TELO2: variants seen among roughly 807,000 people sequenced by gnomAD.
TELO2 encodes telomere maintenance 2.
Under a neutral mutation model 91.0 loss-of-function variants are expected in TELO2, and 71 were observed. The ratio of observed to expected loss-of-function variants is 0.78; its 90% CI spans 0.64 to 0.95. The LOEUF is 0.95. Ranked by LOEUF, TELO2 falls within the 40% of genes least tolerant of loss-of-function variation. The pLI is 0.00. For missense variants in TELO2, 1,183 were observed against 1,141.3 expected (o/e 1.04, Z -0.53); for synonymous variants, 584 against 518.9 (o/e 1.13, Z -1.71).
chr16:1,507,277 C>G, intron 18 of TELO2, 29 bp from the exon 19 acceptor site: 1 of 1,604,260 alleles, frequency 6.2e-7, no homozygotes, highest in South Asian at 1.1e-5. Context: ...CGTCGGGACC[C>G]CACTGACTGT....
At chr16:1,509,583 G>A (rs2040052191) in intron 20 of TELO2, among the ~76,000 whole-genome samples, 1 of 152,248 alleles carries the variant, frequency 6.6e-6, no homozygotes, top group Non-Finnish European at 1.5e-5. Flanking sequence ...CCCCACCCCA[G>A]GCCCCTTTCC....
Position 1,497,440 on chromosome 16 carries a change from C to T in TELO2, c.762C>T (p.Arg254=), listed in dbSNP as rs2039530511. Residue 254 remains arginine, a synonymous_variant, in exon 5 of 21, where the codon CGC becomes CGT. Transcript: ENST00000262319. This position sits in a 1 kb window ranked among gnomAD's most constrained non-coding sequence, Gnocchi z 4.0. ...GSYLHQRVCW[R]LVEQVPDRAM... is the part of the protein sequence containing the mutation. Reference sequence around the variant, plus strand: ...ACCTGCACCAGCGCGTCTGCTGGCGCCTGGTGGAGCAAGTGCCGGACCGGG... The same window carrying T: ...ACCTGCACCAGCGCGTCTGCTGGCGTCTGGTGGAGCAAGTGCCGGACCGGG... 6.4e-7 allele frequency: 1 copy of T among 1,566,264 alleles called. No homozygotes were observed. The highest frequency in any genetic ancestry group is 8.6e-7 in the Non-Finnish European group (1 of 1,156,712).
rs2142456159 is a variant in TELO2, at chr16:1,495,449, C to T, written c.439C>T (p.Pro147Ser). 1.2e-6 allele frequency: 2 copies of T among 1,606,610 alleles called. No homozygotes were observed. Among genetic ancestry groups the T allele is most frequent in the Non-Finnish European group, 1.7e-6 (2 of 1,177,920 alleles). The change falls in exon 3 of 21, where the codon CCC becomes TCC. Residue 147 changes from proline to serine, a missense_variant. Pro to Ser is a moderately conservative substitution (Grantham distance 74, BLOSUM62 -1). Transcript: ENST00000262319. ...MEAQCRQQTQPGFILLRETLL... is the reference protein window; with the variant it reads ...MEAQCRQQTQSGFILLRETLL... Reference sequence around the variant, plus strand: ...GGCGCAGTGTCGGCAGCAGACGCAGCCCGGCTTCATCCTGCTCCGGGAGAC... The same window carrying T: ...GGCGCAGTGTCGGCAGCAGACGCAGTCCGGCTTCATCCTGCTCCGGGAGAC...
rs781236535 is a variant in TELO2, at chr16:1,495,587, G to T, written c.577G>T (p.Val193Phe). 5 of 1,607,048 alleles carry T rather than the reference G, an allele frequency of 3.1e-6. No individual in the cohort carries two copies. The East Asian group carries it at 1.1e-4, about 36-fold the overall frequency. Residue 193 changes from valine (V) to phenylalanine (F), a missense_variant, in exon 3 of 21, where the codon GTC (valine) becomes TTC (phenylalanine). Val to Phe is a conservative substitution (Grantham distance 50). Transcript: ENST00000262319. ...CTTCCGCCTGCTCGGCGAGGAGGTC[G>T]TCCGGGTGCTGCAGGCGGTTGTGGA... ...NYFRLLGEEV[V>F]RVLQAVVDSL...
chr16:1,500,146 G>T lies in TELO2; in HGVS notation c.984G>T (p.Arg328=). Reference sequence around the variant, plus strand: ...GCCATCTGGCCATGGACAGCCAGCGGCGCCCGCTCCTGCTGCAGGTACGTG... The same window carrying T: ...GCCATCTGGCCATGGACAGCCAGCGTCGCCCGCTCCTGCTGCAGGTACGTG... The part of the protein sequence containing the change: ...LLGHLAMDSQ[R]RPLLLQVLKE... Residue 328 remains arginine (R), a synonymous_variant, in exon 7 of 21, where the codon CGG becomes CGT. Transcript: ENST00000262319. 1 of 1,606,992 alleles carries T rather than the reference G, an allele frequency of 6.2e-7. No individual in the cohort carries two copies. The highest frequency in any genetic ancestry group is 1.9e-4 in the Middle Eastern group (1 of 5,188).
intron 20 of TELO2, among the ~76,000 whole-genome samples, chr16:1,509,251 C>T (rs1324557249): frequency 1.3e-5 from 2 of 152,148 alleles, no homozygotes; most frequent in Non-Finnish European, 2.9e-5. Flanking sequence ...GTTCTCCTTT[C>T]ACAGGCACCT....
rs779154845 is a variant in TELO2 at position 1,510,092 on chromosome 16, T to G, written c.*156T>G. The stretch of plus-strand genomic sequence containing the variant: ...TGCAGGAAGGCCCGGCCTGCCGCTA[T>G]TTATAGTGCAGCCAGTCCGCTAAAA... On this transcript the variant is annotated 3_prime_UTR_variant, in exon 21 of 21. Transcript: ENST00000262319. 1 of 640,278 alleles carries G rather than the reference T, an allele frequency of 1.6e-6. No homozygotes were observed. The highest frequency in any genetic ancestry group is 2.7e-6 in the Non-Finnish European group (1 of 371,646). 39.7% of individuals were successfully genotyped at this position (640,278 alleles called of 1,614,324 possible). A position where few individuals can be genotyped will look rare whatever the true frequency, so the allele number is the denominator to read the frequency against.
In TELO2 at chr16:1,497,155, ATCAGCCT is replaced by A. The variant is rs747633347; in HGVS notation, c.682+54_682+60del. ...CATCCTGCCCCGACCCTCACAGCCC[ATCAGCCT>A]TCTGCAGAAGGCCGAGAATCCCTCC... On this transcript the variant is annotated intron_variant, in intron 4 of 20. Transcript: ENST00000262319. This position sits in a 1 kb window ranked among gnomAD's most constrained non-coding sequence, Gnocchi z 4.0. 6.2e-7 allele frequency: 1 copy of A among 1,606,406 alleles called. No individual in the cohort carries two copies. The highest frequency in any genetic ancestry group is 8.5e-7 in the Non-Finnish European group (1 of 1,174,642).
chr16:1,499,982 C>T (rs1286417978), intron 6 of TELO2, 114 bp from the exon 7 acceptor site: 11 of 1,249,790 alleles, frequency 8.8e-6, no homozygotes, highest in Non-Finnish European at 1.1e-5. Flanking sequence ...CCATGCTTGT[C>T]CGTCTGCTGC....
At chr16:1,498,995 G>A (rs1465309556) in intron 5 of TELO2, among the ~76,000 whole-genome samples, 1 of 152,162 alleles carries the variant, frequency 6.6e-6, no homozygotes, top group Non-Finnish European at 1.5e-5. Flanking sequence ...TGTCGGGGGT[G>A]GACCCGCCTC....
intron 3 of TELO2, among the ~76,000 whole-genome samples, chr16:1,496,162 G>A (rs1367058460): frequency 6.6e-6 from 1 of 152,204 alleles, no homozygotes; most frequent in Non-Finnish European, 1.5e-5. Flanking sequence ...AGCTCCAGGC[G>A]ACAGCTCAGA....
rs998893464 is a variant in TELO2 at position 1,505,068 on chromosome 16, C to T, written c.1843-342C>T. On this transcript the variant is annotated intron_variant, in intron 15 of 20. Transcript: ENST00000262319. The surrounding 1 kb of genome is among the most constrained non-coding windows in gnomAD (Gnocchi z 4.3). ...TTCTGAGGTCCCCCCGCCCGTGGCA[C>T]GTGCCGCTGCAGCGTTGCTTTTGCT... The T allele has an allele frequency of 1.9e-4, 46 of 247,380 alleles. No homozygotes were observed. Among genetic ancestry groups the T allele is most frequent in the Middle Eastern group, 1.4e-3 (1 of 740 alleles). 15.3% of individuals were successfully genotyped at this position (247,380 alleles called of 1,614,324 possible). A position where few individuals can be genotyped will look rare whatever the true frequency, so the allele number is the denominator to read the frequency against.
rs1165291044 is a variant in TELO2, at chr16:1,507,369, G to A, written c.2290G>A (p.Ala764Thr). The change falls in exon 19 of 21, where the codon GCC (alanine) becomes ACC (threonine). Residue 764 changes from alanine (A) to threonine (T), a missense_variant and splice_region_variant. Ala to Thr is a moderately conservative substitution (Grantham distance 58). Coordinates refer to ENST00000262319, the MANE Select transcript of TELO2 (RefSeq NM_016111.4). The part of the protein sequence containing the change: ...FVWALRFHID[A>T]YVRQGLLSAV... ...GTGGGCCCTTCGCTTCCACATCGAT[G>A]CGTGAGTGGCCTGTGGGGCTGGGCC... 3.1e-6 allele frequency: 5 copies of A among 1,610,484 alleles called. No homozygotes were observed. Among genetic ancestry groups the A allele is most frequent in the Middle Eastern group, 1.8e-4 (1 of 5,516 alleles).
chr16:1,507,106 GCTC>G, intron 18 of TELO2, 55 bp downstream of exon 18: 1 of 1,541,918 alleles, frequency 6.5e-7, no homozygotes, highest in Admixed American at 1.9e-5. Flanking sequence ...GATCAGGAGC[GCTC>G]CTCAGCCTCA....
At chr16:1,500,839 G>C in intron 9 of TELO2, 140 bp downstream of exon 9, 1 of 1,384,672 alleles carries the variant, frequency 7.2e-7, no homozygotes, top group Non-Finnish European at 9.6e-7. Context: ...CAGGGCTGAG[G>C]CTGGAAGCTG....
rs560743553 is a variant in TELO2 at position 1,499,013 on chromosome 16, G to C, written c.831-218G>C. On this transcript the variant is annotated intron_variant, in intron 5 of 20. Transcript: ENST00000262319. The stretch of plus-strand genomic sequence containing the variant: ...CGGGGGTGGACCCGCCTCCGCCCGG[G>C]CTGCGGTGCACGCGCTCTCTGGGTT... Among the ~76,000 whole-genome samples, 24 of 152,390 alleles carry C rather than the reference G, an allele frequency of 1.6e-4. No individual in the cohort carries two copies. The South Asian group carries it at 4.3e-3, about 28-fold the overall frequency.
At chr16:1,500,002 G>A (rs2039618778) in intron 6 of TELO2, 94 bp from the exon 7 acceptor site, 3 of 1,410,330 alleles carry the variant, frequency 2.1e-6, no homozygotes, top group Non-Finnish European at 2.9e-6. Flanking sequence ...CCCTCAGTCT[G>A]GTCCCAGTCC....
At chr16:1,501,572 A>G in intron 10 of TELO2, 73 bp downstream of exon 10, 11 of 1,565,770 alleles carry the variant, frequency 7.0e-6, no homozygotes, top group Non-Finnish European at 9.6e-6. Context: ...CCGGGATGGG[A>G]GGGGGGAAAC....
At chr16:1,507,481 C>G (rs1377679685) in intron 19 of TELO2, 111 bp downstream of exon 19, 3 of 1,508,210 alleles carry the variant, frequency 2.0e-6, no homozygotes, top group African/African-American at 1.4e-5. Context: ...TGGCCTGGTA[C>G]TTCCCAAATA....
Sources: gnomAD v4.1 joint callset for allele counts (sites outside exome capture counted in the v4.1 genomes callset) on GRCh38, gnomAD v4.1.1 for gene constraint, Gnocchi (gnomAD v3.1) non-coding constraint, MANE v1.5 for transcripts, NCBI Gene and HGNC (gene_info 2026-07-23, HGNC 2026-07-21) for gene names.